Variants in ZNF532 observed in about 807,000 individuals in gnomAD.
The protein encoded by ZNF532 is zinc finger protein 532.
ZNF532 carries 22 observed loss-of-function variants against 89.3 expected under a neutral mutation model. The observed-to-expected ratio is 0.25, with a 90% CI of 0.18 to 0.35. The LOEUF (loss-of-function observed/expected upper bound fraction) is 0.35. ZNF532 is among the 10% of genes least tolerant of loss of function. The probability of loss-of-function intolerance (pLI) is 1.00; values close to 1 mark genes in which losing one functional copy is unlikely to be tolerated. For synonymous variants in ZNF532, 606 were observed against 649.6 expected (o/e 0.93, Z 1.02); for missense variants, 1,132 against 1,643.4 (o/e 0.69, Z 5.38).
chr18:58,887,763 T>A (rs979584388), intron 2 of ZNF532, among the ~76,000 whole-genome samples: 1 of 152,068 alleles, frequency 6.6e-6, no homozygotes, highest in African/African-American at 2.4e-5. Context: ...CTCTTCCCAA[T>A]CCTAGGGCCT....
Position 58,919,703 on chromosome 18 carries a change from C to T in ZNF532, c.1416C>T (p.Asn472=). 2 of 1,613,892 alleles carry T rather than the reference C, an allele frequency of 1.2e-6. No homozygotes were observed. The highest frequency in any genetic ancestry group is 1.7e-6 in the Non-Finnish European group (2 of 1,179,926). ...GSQVINLKLA[N]NTTVKATVIS... ...AAGTCATTAATTTGAAGCTCGCTAA[C>T]AACACCACGGTGAAAGCCACGGTCA... Residue 472 remains asparagine, a synonymous_variant, in exon 3 of 10, where the codon AAC becomes AAT. Coordinates refer to ENST00000591808, the MANE Select transcript of ZNF532 (RefSeq NM_001375912.1). This position sits in a 1 kb window ranked among gnomAD's most constrained non-coding sequence, Gnocchi z 6.1.
intron 3 of ZNF532, among the ~76,000 whole-genome samples, chr18:58,921,052 T>C (rs1329826102): frequency 6.6e-6 from 1 of 151,784 alleles, no homozygotes; most frequent in Admixed American, 6.6e-5. Flanking sequence ...ATTGAGCCAC[T>C]GCACTGTAGC....
At chr18:58,957,799 C>T (rs570313499) in intron 7 of ZNF532, among the ~76,000 whole-genome samples, 2 of 152,270 alleles carry the variant, frequency 1.3e-5, no homozygotes, top group East Asian at 1.9e-4. Context: ...CATGGTGGCT[C>T]ATGCCTGTAA....
chr18:58,934,398 A>G, intron 3 of ZNF532, 35 bp from the exon 4 acceptor site: 1 of 1,598,148 alleles, frequency 6.3e-7, no homozygotes, highest in South Asian at 1.1e-5. Flanking sequence ...AGTACTTAGT[A>G]GGACCAACCC....
chr18:58,918,710 C>T lies in ZNF532; in HGVS notation c.423C>T (p.Asp141=), dbSNP rs372741032. The part of the protein sequence containing the change: ...PISSAEEFDD[D]EKIEVDDPPD... ...CCAGTGCTGAAGAGTTTGATGACGACGAGAAGATTGAGGTGGATGACCCCC... is the reference window on the plus strand; with the variant it reads ...CCAGTGCTGAAGAGTTTGATGACGATGAGAAGATTGAGGTGGATGACCCCC... Residue 141 remains aspartate (D), a synonymous_variant, in exon 3 of 10, where the codon GAC becomes GAT. Transcript: ENST00000591808. 4.6e-5 allele frequency: 74 copies of T among 1,613,950 alleles called. No individual in the cohort carries two copies. The highest frequency in any genetic ancestry group is 5.5e-5 in the South Asian group (5 of 91,078).
At position 58,865,250 on chromosome 18, in the gene ZNF532, GTAGT is replaced by G. The variant is rs1383702545; in HGVS notation, c.-261_-258del. On this transcript the variant is annotated 5_prime_UTR_variant, in exon 1 of 10. The change creates a premature stop within an existing upstream ORF in the 5' untranslated region. Coordinates refer to ENST00000591808, the MANE Select transcript of ZNF532 (RefSeq NM_001375912.1). The stretch of plus-strand genomic sequence containing the variant: ...AAAATGAACTGAGGGGTTTGTAATG[GTAGT>G]TTGTTTGTTGCTGGAGAATGCTACT... The G allele has an allele frequency of 3.3e-5, 5 of 151,826 alleles. No homozygotes were observed. The highest frequency in any genetic ancestry group is 9.7e-5 in the African/African-American group (4 of 41,350). The allele number at this position is 151,826 out of a possible 1,614,324, so 9.4% of individuals were successfully genotyped here. A position where few individuals can be genotyped will look rare whatever the true frequency, so the allele number is the denominator to read the frequency against.
Position 58,951,221 on chromosome 18 carries a change from T to G in ZNF532, c.2869-2297T>G, listed in dbSNP as rs1449482670. Reference sequence around the variant, plus strand: ...AAGTGATTCTCCTGCCTTGGCCTTCTGAAGTGCTGGGATTTACAGGCCTGA... The same window carrying G: ...AAGTGATTCTCCTGCCTTGGCCTTCGGAAGTGCTGGGATTTACAGGCCTGA... On this transcript the variant is annotated intron_variant, in intron 6 of 9. Coordinates refer to ENST00000591808, the MANE Select transcript of ZNF532 (RefSeq NM_001375912.1). Among the ~76,000 whole-genome samples, 5 of 152,308 alleles carry G rather than the reference T, an allele frequency of 3.3e-5. No individual in the cohort carries two copies. In the East Asian group the frequency reaches 9.6e-4, roughly 29 times the overall value.
chr18:58,891,478 C>T (rs1002504755), intron 2 of ZNF532, among the ~76,000 whole-genome samples: 6 of 152,088 alleles, frequency 3.9e-5, no homozygotes, highest in East Asian at 3.8e-4. Flanking sequence ...TGCAGTGAGC[C>T]GAGATCATGT....
chr18:58,938,395 C>T (rs922394903), intron 4 of ZNF532, among the ~76,000 whole-genome samples: 1 of 152,140 alleles, frequency 6.6e-6, no homozygotes, highest in Admixed American at 6.5e-5. Flanking sequence ...AGAAATGTAT[C>T]TTAGATTTAA....
chr18:58,972,477 ATTT>A (rs2066572454), intron 7 of ZNF532, among the ~76,000 whole-genome samples: 1 of 152,216 alleles, frequency 6.6e-6, no homozygotes, highest in African/African-American at 2.4e-5. Flanking sequence ...GGCCACAGTT[ATTT>A]GAGTCTGAAG....
intron 2 of ZNF532, among the ~76,000 whole-genome samples, chr18:58,885,476 G>A (rs1199477807): frequency 6.6e-6 from 1 of 152,090 alleles, no homozygotes; most frequent in Non-Finnish European, 1.5e-5. Context: ...TCCACCTCCT[G>A]CCTTTTGTGC....
In ZNF532 at chr18:58,919,091, G is replaced by A. The variant is rs767385026; in HGVS notation, c.804G>A (p.Ser268=). The A allele has an allele frequency of 9.3e-6, 15 of 1,614,034 alleles. No individual in the cohort carries two copies. The highest frequency in any genetic ancestry group is 8.3e-5 in the Admixed American group (5 of 60,002). ...PSKTKSSSKL[S]SCIAAIAALS... is the part of the protein sequence containing the mutation. ...AGACAAAGTCGTCCTCCAAGCTCTC[G>A]TCCTGCATCGCTGCCATCGCGGCTC... The change falls in exon 3 of 10, where the codon TCG becomes TCA. Residue 268 remains serine (S), a synonymous_variant. Coordinates refer to ENST00000591808, the MANE Select transcript of ZNF532 (RefSeq NM_001375912.1). This position sits in a 1 kb window ranked among gnomAD's most constrained non-coding sequence, Gnocchi z 6.1.
intron 7 of ZNF532, among the ~76,000 whole-genome samples, chr18:58,970,757 G>A (rs1286391564): frequency 6.6e-6 from 1 of 152,238 alleles, no homozygotes; most frequent in Admixed American, 6.5e-5. Flanking sequence ...GGTTTGTTTA[G>A]GGTCTGCAGT....
intron 2 of ZNF532, among the ~76,000 whole-genome samples, chr18:58,888,715 A>AAAAT (rs1305781266): frequency 4.3e-5 from 2 of 46,732 alleles, no homozygotes; most frequent in African/African-American, 1.2e-4. Flanking sequence ...ATATATATAT[A>AAAAT]TATATATATA....
chr18:58,887,981 G>A (rs562347848), intron 2 of ZNF532, among the ~76,000 whole-genome samples: 4 of 152,298 alleles, frequency 2.6e-5, no homozygotes, highest in Middle Eastern at 3.4e-3. Context: ...TTAGAGCTTT[G>A]CGTTCATAAA....
At chr18:58,904,691 C>T (rs142408169) in intron 2 of ZNF532, among the ~76,000 whole-genome samples, 3 of 152,174 alleles carry the variant, frequency 2.0e-5, no homozygotes, top group East Asian at 1.9e-4. Flanking sequence ...TGTTGTGTTG[C>T]GTACCATTGG....
chr18:58,955,145 A>T (rs1372164925), intron 7 of ZNF532, among the ~76,000 whole-genome samples: 2 of 152,220 alleles, frequency 1.3e-5, no homozygotes, highest in Non-Finnish European at 2.9e-5. Context: ...TAATCCCAGC[A>T]CATTGGGAGG....
intron 2 of ZNF532, among the ~76,000 whole-genome samples, chr18:58,900,617 C>T (rs1489331170): frequency 2.0e-5 from 3 of 152,196 alleles, no homozygotes; most frequent in Non-Finnish European, 4.4e-5. Flanking sequence ...ATCTGGTGGT[C>T]ACCTGCCCCT....
intron 5 of ZNF532, among the ~76,000 whole-genome samples, chr18:58,941,867 T>TCTTTCCA (rs1348898839): frequency 2.0e-5 from 3 of 150,142 alleles, no homozygotes; most frequent in African/African-American, 7.5e-5. Context: ...TTTCTTTCTT[T>TCTTTCCA]TCTTTCTTTC....
Sources: allele counts gnomAD v4.1 joint callset (sites outside exome capture counted in the v4.1 genomes callset), GRCh38; gene constraint gnomAD v4.1.1; non-coding constraint Gnocchi (gnomAD v3.1); transcripts MANE v1.5; gene names NCBI Gene and HGNC (gene_info 2026-07-23, HGNC 2026-07-21).